AFG3L2: variants seen among roughly 807,000 people sequenced by gnomAD.
AFG3L2 encodes mitochondrial inner membrane m-AAA protease component AFG3L2.
AFG3L2 carries 54 observed loss-of-function variants against 94.5 expected under a neutral mutation model. The observed-to-expected ratio is 0.57, with a 90% confidence interval of 0.46 to 0.72. The LOEUF (loss-of-function observed/expected upper bound fraction) is 0.72, where lower values mean the gene tolerates loss of function less well. Ranked by LOEUF, AFG3L2 falls within the 30% of genes least tolerant of loss-of-function variation. The pLI is 0.00. For synonymous variants in AFG3L2, 377 were observed against 365.5 expected, an observed-to-expected ratio of 1.03 and a Z score of -0.36; for missense variants, 754 against 994.9, an observed-to-expected ratio of 0.76 and a Z score of 3.26.
At chr18:12,370,147 T>C (rs900010421) in intron 3 of AFG3L2, among the ~76,000 whole-genome samples, 2 of 150,234 alleles carry the variant, frequency 1.3e-5, no homozygotes, top group South Asian at 2.1e-4. Flanking sequence ...TCTAAAAAAG[T>C]CTCTCCGAAT....
At chr18:12,361,231 A>G (rs1180729454) in intron 6 of AFG3L2, among the ~76,000 whole-genome samples, 12 of 152,232 alleles carry the variant, frequency 7.9e-5, no homozygotes, top group African/African-American at 2.9e-4. Flanking sequence ...TTAGCTAGGC[A>G]TGGTGGCACC....
intron 1 of AFG3L2, among the ~76,000 whole-genome samples, chr18:12,372,397 G>A (rs1320772777): frequency 1.3e-5 from 2 of 152,182 alleles, no homozygotes; most frequent in African/African-American, 4.8e-5. Flanking sequence ...ACAAGTATGG[G>A]TGAGGATGTG....
intron 16 of AFG3L2, among the ~76,000 whole-genome samples, chr18:12,335,495 C>T (rs936362788): frequency 6.6e-6 from 1 of 152,108 alleles, no homozygotes; most frequent in African/African-American, 2.4e-5. Flanking sequence ...TTCAAGCCCT[C>T]GAAGCTCTCT....
intron 12 of AFG3L2, among the ~76,000 whole-genome samples, chr18:12,350,167 T>C (rs918275660): frequency 6.6e-6 from 1 of 151,120 alleles, no homozygotes; most frequent in Non-Finnish European, 1.5e-5. Context: ...TGCACCACCA[T>C]GCCCGGCTAA....
chr18:12,332,835 TAC>T (rs71172073), intron 16 of AFG3L2, among the ~76,000 whole-genome samples: 94,038 of 135,062 alleles, frequency 0.7, 32,584 homozygotes, highest in African/African-American at 0.78. Context: ...AATTTGCTTA[TAC>T]ACACACACAC....
In AFG3L2 at chr18:12,371,630, A is replaced by C. The variant is rs1347535850; in HGVS notation, c.176T>G (p.Ile59Ser). Reference protein sequence around the residue: ...ASRNSLLTDIIAAYQRFCSRP... With the variant: ...ASRNSLLTDISAAYQRFCSRP... ...AGAACAGAATCTTTGATAAGCAGCA[A>C]TTATATCTGTCAAAAGAGAATTTCT... The change falls in exon 2 of 17, where the codon ATT becomes AGT. Residue 59 changes from isoleucine to serine, a missense_variant. Transcript: ENST00000269143. 6.2e-7 allele frequency: 1 copy of C among 1,614,146 alleles called. No individual in the cohort carries two copies. Among genetic ancestry groups the C allele is most frequent in the Non-Finnish European group, 8.5e-7 (1 of 1,180,040 alleles).
intron 15 of AFG3L2, among the ~76,000 whole-genome samples, chr18:12,338,678 A>G (rs1238227122): frequency 6.6e-6 from 1 of 152,230 alleles, no homozygotes; most frequent in Non-Finnish European, 1.5e-5. Flanking sequence ...TCATGTAAAA[A>G]TAGGCAATAG....
At chr18:12,376,947 C>G (rs1408642672) in intron 1 of AFG3L2, 22 bp downstream of exon 1, 2 of 1,412,140 alleles carry the variant, frequency 1.4e-6, no homozygotes, top group Non-Finnish European at 1.8e-6. Flanking sequence ...TGGAGGGCGC[C>G]GGGCGCCCAG....
At chr18:12,368,427 G>A (rs1265058760) in intron 3 of AFG3L2, among the ~76,000 whole-genome samples, 2 of 152,144 alleles carry the variant, frequency 1.3e-5, no homozygotes, top group Non-Finnish European at 2.9e-5. Context: ...AGTATACATT[G>A]TTAACACTTT....
intron 13 of AFG3L2, among the ~76,000 whole-genome samples, chr18:12,346,234 T>A (rs1250350784): frequency 1.3e-5 from 2 of 152,104 alleles, no homozygotes; most frequent in Non-Finnish European, 2.9e-5. Context: ...TCTCTCCTCT[T>A]ACCAAATGTG....
rs530920772 is a variant in AFG3L2 at position 12,348,699 on chromosome 18, A to G, written c.1553-316T>C. 7.2e-5 allele frequency among the ~76,000 whole-genome samples: 11 copies of G among 152,382 alleles called. No individual in the cohort carries two copies. The South Asian group carries it at 2.3e-3, about 32-fold the overall frequency. On this transcript the variant is annotated intron_variant, in intron 12 of 16. Transcript: ENST00000269143. Reference sequence around the variant, plus strand: ...ACTAAGACAGCATCTAAAAATGCTCATTTAAATAACTTAGTTCTATCACCT... The same window carrying G: ...ACTAAGACAGCATCTAAAAATGCTCGTTTAAATAACTTAGTTCTATCACCT...
Position 12,329,555 on chromosome 18 carries a change from C to T in AFG3L2, c.*10G>A. 6.8e-6 allele frequency: 11 copies of T among 1,613,068 alleles called. No individual in the cohort carries two copies. The highest frequency in any genetic ancestry group is 9.3e-6 in the Non-Finnish European group (11 of 1,179,526). ...CAGTGGACAGACTGAGATGGCCTCCCTCTGGGCCTCTAGTTGGCAACTTTC... is the reference window on the plus strand; with the variant it reads ...CAGTGGACAGACTGAGATGGCCTCCTTCTGGGCCTCTAGTTGGCAACTTTC... On this transcript the variant is annotated 3_prime_UTR_variant, in exon 17 of 17. Transcript: ENST00000269143.
chr18:12,341,960 C>T (rs1907966391), intron 14 of AFG3L2: 2 of 152,206 alleles, frequency 1.3e-5, no homozygotes, highest in African/African-American at 4.8e-5. Context: ...TGATCCTCCC[C>T]ATCTCCAGTG....
chr18:12,337,262 C>T (rs1331641417), intron 16 of AFG3L2, 79 bp downstream of exon 16: 5 of 1,329,978 alleles, frequency 3.8e-6, no homozygotes, highest in Non-Finnish European at 5.4e-6. Context: ...AGTCTACACA[C>T]CAACCAAAAC....
At chr18:12,350,336 G>A (rs563226556) in intron 12 of AFG3L2, among the ~76,000 whole-genome samples, 43 of 152,138 alleles carry the variant, frequency 2.8e-4, no homozygotes, top group African/African-American at 1.0e-3. Flanking sequence ...TTATAGTGAT[G>A]GTTGTACAAC....
intron 1 of AFG3L2, among the ~76,000 whole-genome samples, chr18:12,373,023 G>GAACAGTTACA (rs1452735993): frequency 6.6e-6 from 1 of 152,154 alleles, no homozygotes; most frequent in African/African-American, 2.4e-5. Flanking sequence ...CATTTAAGAT[G>GAACAGTTACA]AACAATGGTT....
At chr18:12,369,711 C>CAA (rs1209554607) in intron 3 of AFG3L2, among the ~76,000 whole-genome samples, 8 of 89,644 alleles carry the variant, frequency 8.9e-5, no homozygotes, top group African/African-American at 2.4e-4. Context: ...GACCCCTCCT[C>CAA]AAAAAAAAAA....
Position 12,358,887 on chromosome 18 carries a change from G to C in AFG3L2, c.809C>G (p.Thr270Ser). The change falls in exon 8 of 17, where the codon ACC (threonine) becomes AGC (serine). Residue 270 changes from threonine to serine, a missense_variant. Around this residue, in one of 4 missense-constraint regions of AFG3L2, gnomAD observed 130 missense variants for 175.1 expected, o/e 0.74. Coordinates refer to ENST00000269143, the MANE Select transcript of AFG3L2 (RefSeq NM_006796.3). The part of the protein sequence containing the change: ...TVLIIAFLLY[T>S]IRRGPAGIGR... ...AATGCCAGCAGGCCCTCTTCTGATG[G>C]TGTAGAGCAAGAAGGCGATGATGAG... 1 of 1,614,238 alleles carries C rather than the reference G, an allele frequency of 6.2e-7. No individual in the cohort carries two copies. The highest frequency in any genetic ancestry group is 1.6e-4 in the Middle Eastern group (1 of 6,062).
In AFG3L2 at chr18:12,329,795, A is replaced by T; in HGVS notation, c.2176-12T>A. 6.3e-7 allele frequency: 1 copy of T among 1,598,610 alleles called. No homozygotes were observed. Among genetic ancestry groups the T allele is most frequent in the African/African-American group, 1.3e-5 (1 of 74,736 alleles). ...AACAGAAGAGCAACCTGAAATATGA[A>T]CAATTTTCATTAAATACAGTTACTC... On this transcript the variant is annotated splice_polypyrimidine_tract_variant and intron_variant, in intron 16 of 16. Transcript: ENST00000269143.
Sources: allele counts gnomAD v4.1 joint callset (sites outside exome capture counted in the v4.1 genomes callset), GRCh38; gene constraint gnomAD v4.1.1; regional missense constraint gnomAD v4.1.1; transcripts MANE v1.5; gene names NCBI Gene and HGNC (gene_info 2026-07-23, HGNC 2026-07-21).